The following COL4A3 variants were observed in gnomAD, a reference collection of about 807,000 sequenced individuals.
COL4A3 encodes the protein collagen alpha-3(IV) chain.
A neutral mutation model predicts 217.4 loss-of-function variants in COL4A3; 135 were observed. That is an observed-to-expected ratio of 0.62 (90% CI 0.54 to 0.72). The LOEUF (loss-of-function observed/expected upper bound fraction) is 0.72, where lower values mean the gene tolerates loss of function less well. COL4A3 is among the 30% of genes least tolerant of loss of function. COL4A3 has a pLI of 0.00. For synonymous variants in COL4A3, 690 were observed against 736.3 expected (o/e 0.94, Z 1.02); for missense variants, 1,868 against 2,119.9 (o/e 0.88, Z 2.33).
intron 1 of COL4A3, among the ~76,000 whole-genome samples, chr2:227,175,244 G>A (rs990421334): frequency 3.9e-5 from 6 of 152,098 alleles, no homozygotes; most frequent in African/African-American, 1.4e-4. Flanking sequence ...GGCCAAGGTG[G>A]GCAGATCACC....
At chr2:227,252,524 C>T (rs1407811413) in intron 11 of COL4A3, among the ~76,000 whole-genome samples, 1 of 151,530 alleles carries the variant, frequency 6.6e-6, no homozygotes, top group Non-Finnish European at 1.5e-5. Context: ...CTTGGGTAGC[C>T]TTTTATATGA....
intron 1 of COL4A3, among the ~76,000 whole-genome samples, chr2:227,184,735 A>G (rs2065961902): frequency 6.6e-6 from 1 of 152,224 alleles, no homozygotes; most frequent in African/African-American, 2.4e-5. Context: ...AAATTTGATT[A>G]TGCTTAAAGT....
At chr2:227,287,063 A>C (rs1006299892) in intron 34 of COL4A3, among the ~76,000 whole-genome samples, 3 of 152,162 alleles carry the variant, frequency 2.0e-5, no homozygotes. Context: ...CTAGGTAGTA[A>C]GTATCTTACG....
chr2:227,288,937 G>GT (rs1239947346), intron 34 of COL4A3, among the ~76,000 whole-genome samples: 1 of 142,442 alleles, frequency 7.0e-6, no homozygotes, highest in African/African-American at 2.6e-5. Flanking sequence ...TTGATGCCTG[G>GT]TTTTTTGTTT....
chr2:227,195,431 A>G (rs764112835), intron 1 of COL4A3, among the ~76,000 whole-genome samples: 27 of 151,838 alleles, frequency 1.8e-4, no homozygotes, highest in Admixed American at 5.2e-4. Flanking sequence ...GAAGCTGAAA[A>G]CTCCTATAGA....
intron 46 of COL4A3, 99 bp from the exon 47 acceptor site, chr2:227,304,886 A>AGT: frequency 2.0e-6 from 2 of 989,598 alleles, no homozygotes; most frequent in Non-Finnish European, 3.1e-6. Context: ...CAGGACTTTC[A>AGT]TTCCTGAAAC....
At chr2:227,262,324 C>A (rs1410707723) in intron 20 of COL4A3, among the ~76,000 whole-genome samples, 6 of 152,102 alleles carry the variant, frequency 3.9e-5, no homozygotes, top group African/African-American at 9.6e-5. Context: ...AACAAACAAA[C>A]AAACAAAAAA....
At chr2:227,298,553 G>A in intron 42 of COL4A3, 129 bp from the exon 43 acceptor site, 2 of 1,333,934 alleles carry the variant, frequency 1.5e-6, no homozygotes, top group Non-Finnish European at 2.1e-6. Flanking sequence ...CCCATCACAT[G>A]CTCCAGGGGA....
chr2:227,248,871 T>C (rs899140693), intron 9 of COL4A3, among the ~76,000 whole-genome samples: 17 of 152,146 alleles, frequency 1.1e-4, no homozygotes, highest in African/African-American at 3.6e-4. Flanking sequence ...GTATCACACA[T>C]TGAGTATCAT....
chr2:227,261,609 C>G (rs979229547), intron 20 of COL4A3, among the ~76,000 whole-genome samples: 1 of 152,216 alleles, frequency 6.6e-6, no homozygotes, highest in Non-Finnish European at 1.5e-5. Context: ...CTGATACAAA[C>G]TGATACAGAA....
rs779821655 is a variant in COL4A3, at chr2:227,254,135, C to G, written c.789C>G (p.Asp263Glu). ...NRTDLKGEKG[D>E]KGAMGEPGPP... is the part of the protein sequence containing the mutation. ...AGGACCTCAAGGGGGAAAAGGGAGA[C>G]AAGGGAGCAATGGGCGAGCCTGGAC... The change falls in exon 14 of 52, where the codon GAC (aspartate) becomes GAG (glutamate). Residue 263 changes from aspartate to glutamate, a missense_variant. By Grantham distance (45) the Asp-to-Glu change is conservative. Around this residue, in one of 2 missense-constraint regions of COL4A3, gnomAD observed 1,503 missense variants for 1,786.1 expected, o/e 0.84. Transcript: ENST00000396578. 3 of 1,613,836 alleles carry G rather than the reference C, an allele frequency of 1.9e-6. No individual in the cohort carries two copies. Among genetic ancestry groups the G allele is most frequent in the East Asian group, 2.2e-5 (1 of 44,842 alleles).
chr2:227,245,780 T>C, intron 5 of COL4A3, 174 bp from the exon 6 acceptor site: 1 of 679,940 alleles, frequency 1.5e-6, no homozygotes, highest in Non-Finnish European at 2.7e-6. Flanking sequence ...TCAGTCAGCC[T>C]GTTTAGTTTG....
At chr2:227,291,580 C>CAAAAAAAAAAAAAAAAAAA (rs1212189875) in intron 37 of COL4A3, among the ~76,000 whole-genome samples, 1 of 31,598 alleles carries the variant, frequency 3.2e-5, no homozygotes, top group African/African-American at 6.5e-5. Context: ...AAAAAAAAAA[C>CAAAAAAAAAAAAAAAAAAA]AAAAAAAAAA....
chr2:227,169,120 T>C (rs2065385721), intron 1 of COL4A3: 1 of 139,796 alleles, frequency 7.2e-6, no homozygotes, highest in Non-Finnish European at 1.5e-5. Flanking sequence ...AGTTCCCACC[T>C]ATGAGTGAGA....
chr2:227,290,720 T>C (rs1301550902), intron 36 of COL4A3, 27 bp from the exon 37 acceptor site: 2 of 1,610,306 alleles, frequency 1.2e-6, no homozygotes, highest in Non-Finnish European at 1.7e-6. Flanking sequence ...TTATCTATTT[T>C]ACTCTATGTT....
intron 26 of COL4A3, among the ~76,000 whole-genome samples, chr2:227,273,637 T>C (rs1306128783): frequency 6.6e-6 from 1 of 152,140 alleles, no homozygotes; most frequent in East Asian, 1.9e-4. Context: ...GGTCTCCTAC[T>C]CCCAACCCCA....
chr2:227,303,907 C>T lies in COL4A3; in HGVS notation c.4004C>T (p.Pro1335Leu), dbSNP rs749935887. 1.2e-6 allele frequency: 2 copies of T among 1,614,204 alleles called. No homozygotes were observed. The highest frequency in any genetic ancestry group is 1.7e-6 in the Non-Finnish European group (2 of 1,180,024). ...GFLGSIGPPGPIGPKGPPGVR... is the reference protein window; with the variant it reads ...GFLGSIGPPGLIGPKGPPGVR... ...CTAGGATCCATTGGACCTCCAGGAC[C>T]AATTGGGCCAAAAGGACCACCTGGT... The change falls in exon 45 of 52, where the codon CCA (proline) becomes CTA (leucine). Residue 1335 changes from proline (P) to leucine (L), a missense_variant. By Grantham distance (98) the Pro-to-Leu change is moderately conservative (BLOSUM62 -3). This residue lies in a region of COL4A3 where 1,503 missense variants were observed against 1,786.1 expected (regional missense o/e 0.84). Coordinates refer to ENST00000396578, the MANE Select transcript of COL4A3 (RefSeq NM_000091.5).
chr2:227,164,704 C>T lies in COL4A3; in HGVS notation c.-23C>T, dbSNP rs999693718. On this transcript the variant is annotated 5_prime_UTR_variant, in exon 1 of 52. Transcript: ENST00000396578. This position sits in a 1 kb window ranked among gnomAD's most constrained non-coding sequence, Gnocchi z 4.8. ...GAGCCTGAGGGTCCCCGGACTCGCC[C>T]AGGCTCTGAGCGCGCGCCCACCATG... 3.3e-6 allele frequency: 5 copies of T among 1,530,722 alleles called. No homozygotes were observed. The African/African-American group carries it at 5.5e-5, about 17-fold the overall frequency. The allele number at this position is 1,530,722 out of a possible 1,614,324, so 94.8% of individuals were successfully genotyped here. A position where few individuals can be genotyped will look rare whatever the true frequency, so the allele number is the denominator to read the frequency against.
intron 1 of COL4A3, among the ~76,000 whole-genome samples, chr2:227,208,920 T>G (rs186466049): frequency 6.6e-6 from 1 of 152,138 alleles, no homozygotes; most frequent in Non-Finnish European, 1.5e-5. Context: ...ATGTTAAAAT[T>G]TTCCTAAAGT....
Sources: allele counts gnomAD v4.1 joint callset (sites outside exome capture counted in the v4.1 genomes callset), GRCh38; gene constraint gnomAD v4.1.1; regional missense constraint gnomAD v4.1.1; non-coding constraint Gnocchi (gnomAD v3.1); transcripts MANE v1.5; gene names NCBI Gene and HGNC (gene_info 2026-07-23, HGNC 2026-07-21).